Variants in NKAIN2 observed in about 807,000 individuals in gnomAD.
NKAIN2 encodes sodium/potassium transporting ATPase interacting 2, also known as sodium/potassium-transporting ATPase subunit beta-1-interacting protein 2.
In NKAIN2, 14 loss-of-function variants were observed where a neutral mutation model predicts 32.6. That is an observed-to-expected ratio of 0.43 (90% CI 0.28 to 0.67). NKAIN2 has a LOEUF of 0.67. Among genes scored for constraint, NKAIN2 ranks in the 30% least tolerant of loss-of-function variants. The pLI is 0.17. For missense variants in NKAIN2, 198 were observed against 258.3 expected, an observed-to-expected ratio of 0.77 and a Z score of 1.60; for synonymous variants, 80 against 87.2, an observed-to-expected ratio of 0.92 and a Z score of 0.46.
chr6:124,776,301 T>A (rs1335613572), intron 4 of NKAIN2, among the ~76,000 whole-genome samples: 1 of 152,206 alleles, frequency 6.6e-6, no homozygotes, highest in African/African-American at 2.4e-5. Context: ...CACTGGCTTC[T>A]TGCTGACAGT....
At chr6:123,865,072 C>A (rs976621408) in intron 1 of NKAIN2, among the ~76,000 whole-genome samples, 3 of 151,734 alleles carry the variant, frequency 2.0e-5, no homozygotes, top group Non-Finnish European at 4.4e-5. Context: ...AGTCTAGGAC[C>A]CTTTTAGTAA....
chr6:124,144,723 G>T (rs953356015), intron 1 of NKAIN2, among the ~76,000 whole-genome samples: 1 of 152,000 alleles, frequency 6.6e-6, no homozygotes, highest in Non-Finnish European at 1.5e-5. Context: ...CTAGGGGCAG[G>T]CATAAAGATT....
intron 1 of NKAIN2, among the ~76,000 whole-genome samples, chr6:124,037,182 CAG>C (rs1308002578): frequency 6.6e-6 from 1 of 152,026 alleles, no homozygotes; most frequent in Non-Finnish European, 1.5e-5. Flanking sequence ...GAAAACCGAT[CAG>C]AGAGTCACAC....
intron 1 of NKAIN2, among the ~76,000 whole-genome samples, chr6:123,817,214 T>C (rs1005840329): frequency 2.0e-5 from 3 of 152,152 alleles, no homozygotes; most frequent in Non-Finnish European, 4.4e-5. Context: ...AAAGCATTTT[T>C]CTCAATGTTC....
chr6:124,234,737 T>C (rs1046871470), intron 1 of NKAIN2, among the ~76,000 whole-genome samples: 1 of 152,170 alleles, frequency 6.6e-6, no homozygotes, highest in East Asian at 1.9e-4. Context: ...CCATGTAGGA[T>C]TTACTAACTG....
chr6:124,190,014 G>C (rs1246874155), intron 1 of NKAIN2, among the ~76,000 whole-genome samples: 2 of 152,230 alleles, frequency 1.3e-5, no homozygotes, highest in Non-Finnish European at 2.9e-5. Context: ...TTAATGTGAA[G>C]TGTTTTAACT....
intron 3 of NKAIN2, among the ~76,000 whole-genome samples, chr6:124,482,863 G>C (rs778157232): frequency 2.6e-5 from 4 of 152,138 alleles, no homozygotes; most frequent in Admixed American, 2.6e-4. Flanking sequence ...GGCTGGGCGC[G>C]GTGGCTCACG....
chr6:124,274,168 T>G (rs1295903374), intron 1 of NKAIN2, among the ~76,000 whole-genome samples: 1 of 152,192 alleles, frequency 6.6e-6, no homozygotes, highest in Non-Finnish European at 1.5e-5. Flanking sequence ...AGTATTATTA[T>G]TCTATTAACT....
chr6:124,524,123 G>A (rs1171514985), intron 3 of NKAIN2, among the ~76,000 whole-genome samples: 1 of 152,094 alleles, frequency 6.6e-6, no homozygotes, highest in South Asian at 2.1e-4. Flanking sequence ...TGACAATGTT[G>A]TATTGATCTG....
intron 1 of NKAIN2, among the ~76,000 whole-genome samples, chr6:124,211,253 G>T (rs1444191731): frequency 1.3e-5 from 2 of 151,618 alleles, no homozygotes; most frequent in African/African-American, 2.4e-5. Flanking sequence ...ATTTTAAAAA[G>T]ATTATATTTA....
At chr6:124,345,413 G>A (rs903788818) in intron 2 of NKAIN2, among the ~76,000 whole-genome samples, 7 of 152,074 alleles carry the variant, frequency 4.6e-5, no homozygotes, top group Non-Finnish European at 5.9e-5. Flanking sequence ...GAATTAGTAC[G>A]AGTTCCTCCT....
intron 1 of NKAIN2, among the ~76,000 whole-genome samples, chr6:124,263,721 A>AGTTTGTTTG (rs370484457): frequency 0.31 from 47,334 of 152,008 alleles, 8,564 homozygotes; most frequent in African/African-American, 0.49. Context: ...TGTTTGTTTA[A>AGTTTGTTTG]TTTAAACAGC....
chr6:124,655,624 T>G (rs1414816269), intron 3 of NKAIN2, among the ~76,000 whole-genome samples: 1 of 152,088 alleles, frequency 6.6e-6, no homozygotes, highest in African/African-American at 2.4e-5. Context: ...CCGGGCATAA[T>G]GGGATAGTTA....
intron 1 of NKAIN2, among the ~76,000 whole-genome samples, chr6:123,911,782 CATATATATATATATATATGT>C (rs1775191297): frequency 1.9e-5 from 2 of 105,616 alleles, no homozygotes; most frequent in Middle Eastern, 4.6e-3. Context: ...TACATACATA[CATATATATATATATATATGT>C]ATATATATAT....
intron 3 of NKAIN2, among the ~76,000 whole-genome samples, chr6:124,415,995 G>A (rs1399996413): frequency 6.7e-6 from 1 of 148,406 alleles, no homozygotes; most frequent in Non-Finnish European, 1.5e-5. Flanking sequence ...ATGTCCCTGA[G>A]CCTCTGTTCA....
chr6:124,170,306 T>C (rs568044268), intron 1 of NKAIN2, among the ~76,000 whole-genome samples: 2 of 152,324 alleles, frequency 1.3e-5, no homozygotes, highest in Admixed American at 6.5e-5. Context: ...CTGGGAACAG[T>C]GTACTGAACA....
chr6:124,438,412 T>G (rs1055332389), intron 3 of NKAIN2, among the ~76,000 whole-genome samples: 17 of 152,190 alleles, frequency 1.1e-4, no homozygotes, highest in Non-Finnish European at 5.9e-5. Context: ...ACTTATGTTA[T>G]CAATTATTCC....
chr6:124,619,072 A>G (rs1461138230), intron 3 of NKAIN2, among the ~76,000 whole-genome samples: 1 of 152,204 alleles, frequency 6.6e-6, no homozygotes, highest in East Asian at 1.9e-4. Flanking sequence ...TCCTGGAAAC[A>G]TTTCCACATT....
At chr6:123,881,278 T>G (rs901742682) in intron 1 of NKAIN2, among the ~76,000 whole-genome samples, 1 of 152,120 alleles carries the variant, frequency 6.6e-6, no homozygotes, top group Non-Finnish European at 1.5e-5. Context: ...CACCTCGGCC[T>G]CCCAAAGTGC....
Sources: allele counts gnomAD v4.1 joint callset (sites outside exome capture counted in the v4.1 genomes callset), GRCh38; gene constraint gnomAD v4.1.1; transcripts MANE v1.5; gene names NCBI Gene and HGNC (gene_info 2026-07-23, HGNC 2026-07-21).